PI4KA: variants seen among roughly 807,000 people sequenced by gnomAD.
PI4KA encodes PI4-kinase alpha.
PI4KA carries 122 observed loss-of-function variants against 271.4 expected under a neutral mutation model. The ratio of observed to expected loss-of-function variants is 0.45; its 90% CI spans 0.39 to 0.52. The LOEUF is 0.52. Among genes scored for constraint, PI4KA ranks in the 20% least tolerant of loss-of-function variants. The pLI is 0.00. For synonymous variants in PI4KA, 1,041 were observed against 1,078.8 expected, an observed-to-expected ratio of 0.96 and a Z score of 0.69; for missense variants, 1,969 against 2,769.1, an observed-to-expected ratio of 0.71 and a Z score of 6.48.
Position 20,828,255 on chromosome 22 carries a change from C to T in PI4KA, c.368-3841G>A, listed in dbSNP as rs145242662. On this transcript the variant is annotated intron_variant, in intron 3 of 54. Coordinates refer to ENST00000255882, the MANE Select transcript of PI4KA (RefSeq NM_058004.4). ...GTTTATCAGATCAAGGGGCTTTGGG[C>T]AGAGACTATAGGGTTTTCTAGGTAT... is the stretch of plus-strand genomic sequence containing the variant. Among the ~76,000 whole-genome samples, 221 of 152,208 alleles carry T rather than the reference C, an allele frequency of 1.5e-3. No homozygotes were observed. The South Asian group carries it at 0.02, about 14-fold the overall frequency.
At chr22:20,731,498 C>T (rs1167477424) in intron 36 of PI4KA, among the ~76,000 whole-genome samples, 5 of 150,780 alleles carry the variant, frequency 3.3e-5, no homozygotes, top group African/African-American at 7.3e-5. Flanking sequence ...CTGAGGCGGG[C>T]GGATCAGAAG....
chr22:20,855,945 A>T (rs1174573307), intron 1 of PI4KA, among the ~76,000 whole-genome samples: 3 of 152,196 alleles, frequency 2.0e-5, no homozygotes, highest in Non-Finnish European at 4.4e-5. Flanking sequence ...CTCTTGTAAA[A>T]ACAGCAGCCC....
intron 8 of PI4KA, among the ~76,000 whole-genome samples, chr22:20,811,640 T>C (rs1420233403): frequency 6.9e-6 from 1 of 144,210 alleles, no homozygotes; most frequent in African/African-American, 2.6e-5. Flanking sequence ...ACATCCACAA[T>C]TGTAGTATTT....
intron 17 of PI4KA, among the ~76,000 whole-genome samples, chr22:20,796,648 G>A (rs1025701689): frequency 6.6e-6 from 1 of 152,220 alleles, no homozygotes; most frequent in African/African-American, 2.4e-5. Context: ...GAAAATGAAA[G>A]GGCCCATGCC....
intron 7 of PI4KA, among the ~76,000 whole-genome samples, chr22:20,817,734 CAAAAAAAAAAAAAAAAAAAAAAAAAA>C (rs361731): frequency 3.6e-4 from 5 of 13,972 alleles, no homozygotes; most frequent in Non-Finnish European, 6.7e-4. Context: ...ACTCTCTCTC[CAAAAAAAAAAAAAAAAAAAAAAAAAA>C]AAAAAAAAAA....
rs1350329309 is a variant in PI4KA at position 20,752,897 on chromosome 22, G to C, written c.2987+6C>G. ...ACACAAAACATTAGCAGGAAAATGA[G>C]CTTACTTATCCACCAGACCAGATAG... is the stretch of plus-strand genomic sequence containing the variant. On this transcript the variant is annotated splice_donor_region_variant and intron_variant, in intron 25 of 54. Transcript: ENST00000255882. The C allele has an allele frequency of 6.2e-7, 1 of 1,613,574 alleles. No homozygotes were observed.
At chr22:20,821,917 G>A (rs1057484121) in intron 4 of PI4KA, among the ~76,000 whole-genome samples, 1 of 152,190 alleles carries the variant, frequency 6.6e-6, no homozygotes, top group Non-Finnish European at 1.5e-5. Context: ...TTGGGAGGCT[G>A]AAGCGGGTGG....
intron 23 of PI4KA, among the ~76,000 whole-genome samples, chr22:20,758,423 T>A (rs1931564126): frequency 6.7e-6 from 1 of 148,628 alleles, no homozygotes. Flanking sequence ...TCTTAAAATA[T>A]TATAAGATTT....
chr22:20,803,111 G>C, intron 13 of PI4KA, 80 bp downstream of exon 13: 1 of 1,443,912 alleles, frequency 6.9e-7, no homozygotes, highest in Non-Finnish European at 9.7e-7. Flanking sequence ...CCCAGGTACA[G>C]TCATGAAACC....
At chr22:20,714,781 C>T in intron 45 of PI4KA, 81 bp from the exon 46 acceptor site, 1 of 1,495,092 alleles carries the variant, frequency 6.7e-7, no homozygotes, top group Non-Finnish European at 9.1e-7. Flanking sequence ...ACGGATGTTA[C>T]ATGCGTGTCC....
At position 20,834,719 on chromosome 22, in the gene PI4KA, GC is replaced by G. The variant is rs1176496052; in HGVS notation, c.274-65del. 3.1e-5 allele frequency: 33 copies of G among 1,060,210 alleles called. No individual in the cohort carries two copies. The Admixed American group carries it at 6.1e-4, about 20-fold the overall frequency. The allele number at this position is 1,060,210 out of a possible 1,614,324, so 65.7% of individuals were successfully genotyped here. A position where few individuals can be genotyped will look rare whatever the true frequency, so the allele number is the denominator to read the frequency against. ...AAAATAAGTGATTGGCAGCTTTTTA[GC>G]CCAGATTAAGCCCAAAGCAAAGCAT... On this transcript the variant is annotated intron_variant, in intron 2 of 54. Transcript: ENST00000255882.
chr22:20,742,129 C>T, intron 32 of PI4KA, 99 bp downstream of exon 32: 2 of 1,258,776 alleles, frequency 1.6e-6, no homozygotes, highest in South Asian at 1.4e-5. Context: ...GAGGGGCTTG[C>T]CCAGTGTCTC....
chr22:20,781,142 T>C (rs1336348692), intron 19 of PI4KA, among the ~76,000 whole-genome samples: 2 of 152,104 alleles, frequency 1.3e-5, no homozygotes, highest in Non-Finnish European at 2.9e-5. Context: ...GGGCACTTTT[T>C]AAGGAGGTCA....
intron 22 of PI4KA, among the ~76,000 whole-genome samples, chr22:20,763,481 C>T (rs1314240011): frequency 6.6e-6 from 1 of 151,586 alleles, no homozygotes; most frequent in African/African-American, 2.4e-5. Flanking sequence ...GCTCTGTCGC[C>T]CAGGCTGGAG....
intron 1 of PI4KA, among the ~76,000 whole-genome samples, chr22:20,849,111 T>C (rs1926640483): frequency 2.6e-5 from 4 of 152,152 alleles, no homozygotes; most frequent in African/African-American, 9.7e-5. Flanking sequence ...TCATTAACCA[T>C]CAGGCAAATG....
chr22:20,765,277 G>C, intron 20 of PI4KA, 41 bp from the exon 21 acceptor site: 1 of 1,564,510 alleles, frequency 6.4e-7, no homozygotes. Context: ...CACCTTGGTC[G>C]GAAAGCACTG....
At chr22:20,763,007 CTT>C (rs1207890990) in intron 22 of PI4KA, among the ~76,000 whole-genome samples, 808 of 13,474 alleles carry the variant, frequency 0.06, 8 homozygotes, top group Non-Finnish European at 0.064. Context: ...GGTTTTTTTG[CTT>C]TTTTTTTTGG....
At chr22:20,738,879 T>C (rs1462951791) in intron 32 of PI4KA, among the ~76,000 whole-genome samples, 1 of 151,662 alleles carries the variant, frequency 6.6e-6, no homozygotes, top group African/African-American at 2.4e-5. Context: ...AGACCAGCTA[T>C]TGAGTAGGAG....
At chr22:20,759,392 CTTTTCTTTTCTTTTTT>C (rs1931706996) in intron 23 of PI4KA, among the ~76,000 whole-genome samples, 1 of 129,854 alleles carries the variant, frequency 7.7e-6, no homozygotes, top group Non-Finnish European at 1.7e-5. Flanking sequence ...TTTTCTTTTT[CTTTTCTTTTCTTTTTT>C]TTTTTTTTTT....
Sources: gnomAD v4.1 joint callset for allele counts (sites outside exome capture counted in the v4.1 genomes callset) on GRCh38, gnomAD v4.1.1 for gene constraint, MANE v1.5 for transcripts, NCBI Gene and HGNC (gene_info 2026-07-23, HGNC 2026-07-21) for gene names.